Variants in GRID2 observed in about 807,000 individuals in gnomAD.
The protein encoded by GRID2 is glutamate ionotropic receptor delta type subunit 2.
A neutral mutation model predicts 114.8 loss-of-function variants in GRID2; 33 were observed. The observed-to-expected ratio is 0.29, with a 90% CI of 0.22 to 0.38. GRID2 has a LOEUF of 0.38. Among genes scored for constraint, GRID2 ranks in the 10% least tolerant of loss-of-function variants. The pLI, the probability that GRID2 is intolerant of heterozygous loss-of-function variation, is 1.00. For missense variants in GRID2, 1,184 were observed against 1,257.7 expected, an observed-to-expected ratio of 0.94 and a Z score of 0.89; for synonymous variants, 505 against 449.9, an observed-to-expected ratio of 1.12 and a Z score of -1.55.
chr4:93,018,785 TATCCAGC>T (rs1445251345), intron 2 of GRID2, among the ~76,000 whole-genome samples: 6 of 152,168 alleles, frequency 3.9e-5, no homozygotes. Flanking sequence ...TCATCTATTG[TATCCAGC>T]AAAGTGGTAT....
chr4:93,667,153 T>C (rs1235055137), intron 14 of GRID2, among the ~76,000 whole-genome samples: 1 of 152,006 alleles, frequency 6.6e-6, no homozygotes, highest in East Asian at 1.9e-4. Context: ...ATAAGACAAT[T>C]CAGTATATCA....
chr4:93,042,627 A>C (rs28406416), intron 2 of GRID2, among the ~76,000 whole-genome samples: 30,081 of 126,000 alleles, frequency 0.24, 3,605 homozygotes, highest in African/African-American at 0.36. Context: ...CTCTCTCTCT[A>C]TATATATATA....
chr4:93,282,088 CT>C (rs985528861), intron 8 of GRID2, among the ~76,000 whole-genome samples: 4 of 151,916 alleles, frequency 2.6e-5, no homozygotes, highest in African/African-American at 9.7e-5. Context: ...TTTCCTTTTA[CT>C]TTTTTGAACG....
At chr4:93,728,715 G>T (rs549770052) in intron 14 of GRID2, among the ~76,000 whole-genome samples, 1 of 152,264 alleles carries the variant, frequency 6.6e-6, no homozygotes, top group Admixed American at 6.5e-5. Context: ...TCTTCTTGTT[G>T]AATTGATCCC....
chr4:93,260,957 C>A (rs77373243), intron 8 of GRID2, among the ~76,000 whole-genome samples: 2,076 of 151,860 alleles, frequency 0.014, 42 homozygotes, highest in African/African-American at 0.046. Context: ...CAAGGCCTAA[C>A]AAGCACATCA....
intron 2 of GRID2, among the ~76,000 whole-genome samples, chr4:92,611,132 ATGTGTGTGTGTGCATGTG>A (rs1048628786): frequency 3.7e-5 from 5 of 133,658 alleles, no homozygotes; most frequent in African/African-American, 1.4e-4. Context: ...GTGTGTGTGC[ATGTGTGTGTGTGCATGTG>A]TGTGTGTGTG....
At chr4:93,566,777 C>A (rs1466184452) in intron 13 of GRID2, among the ~76,000 whole-genome samples, 10 of 151,134 alleles carry the variant, frequency 6.6e-5, no homozygotes, top group Non-Finnish European at 1.2e-4. Context: ...CAAAAACAAA[C>A]AAACAAATGT....
chr4:93,766,628 A>C (rs948448292), intron 14 of GRID2, among the ~76,000 whole-genome samples: 1 of 152,206 alleles, frequency 6.6e-6, no homozygotes, highest in Non-Finnish European at 1.5e-5. Context: ...CTCATTAAGC[A>C]AATGTTGCTG....
intron 2 of GRID2, among the ~76,000 whole-genome samples, chr4:92,943,595 C>A (rs1245625970): frequency 6.6e-6 from 1 of 152,132 alleles, no homozygotes; most frequent in Non-Finnish European, 1.5e-5. Context: ...AGTCATTCTC[C>A]ATCCAGCTTT....
intron 1 of GRID2, among the ~76,000 whole-genome samples, chr4:92,447,841 C>T (rs1406281095): frequency 6.6e-6 from 1 of 152,180 alleles, no homozygotes; most frequent in Non-Finnish European, 1.5e-5. Flanking sequence ...ACCTAATAAC[C>T]TTCCAAAGGC....
intron 2 of GRID2, among the ~76,000 whole-genome samples, chr4:93,070,699 A>G (rs887687743): frequency 3.0e-4 from 45 of 152,114 alleles, no homozygotes; most frequent in African/African-American, 1.1e-3. Context: ...ATAGCCATTT[A>G]AGTTCATTTT....
At chr4:93,623,845 T>C (rs1002855435) in intron 13 of GRID2, among the ~76,000 whole-genome samples, 1 of 152,158 alleles carries the variant, frequency 6.6e-6, no homozygotes. Flanking sequence ...ATTACTATTC[T>C]TGTCTGTTTT....
At chr4:93,099,108 T>A (rs928171774) in intron 3 of GRID2, among the ~76,000 whole-genome samples, 5 of 151,214 alleles carry the variant, frequency 3.3e-5, no homozygotes, top group Non-Finnish European at 7.4e-5. Flanking sequence ...AACCAAATAA[T>A]TTGGTCAAGT....
chr4:93,193,161 G>T (rs952555171), intron 4 of GRID2, among the ~76,000 whole-genome samples: 8 of 152,152 alleles, frequency 5.3e-5, no homozygotes, highest in African/African-American at 1.9e-4. Context: ...TTTAAAGCCA[G>T]TCAGCCAGCC....
chr4:92,597,520 A>G (rs940040529), intron 2 of GRID2, among the ~76,000 whole-genome samples: 1 of 152,096 alleles, frequency 6.6e-6, no homozygotes, highest in East Asian at 1.9e-4. Context: ...TATTTTAGCA[A>G]TTTGTGCTGC....
intron 1 of GRID2, among the ~76,000 whole-genome samples, chr4:92,366,415 A>G (rs1728868905): frequency 6.6e-6 from 1 of 152,046 alleles, no homozygotes; most frequent in East Asian, 1.9e-4. Flanking sequence ...TAGGCATAAT[A>G]GTATACATTT....
intron 2 of GRID2, among the ~76,000 whole-genome samples, chr4:92,959,110 A>ATT (rs201318761): frequency 7.9e-4 from 30 of 37,936 alleles, no homozygotes; most frequent in African/African-American, 2.6e-3. Flanking sequence ...GATTTTATTG[A>ATT]TTTTTTTTTT....
At chr4:92,349,424 A>G (rs1560580473) in intron 1 of GRID2, among the ~76,000 whole-genome samples, 1 of 151,918 alleles carries the variant, frequency 6.6e-6, no homozygotes, top group South Asian at 2.1e-4. Flanking sequence ...TGTGACAGAT[A>G]TTAACTATAC....
At chr4:93,041,472 A>T (rs1026900050) in intron 2 of GRID2, among the ~76,000 whole-genome samples, 1 of 152,260 alleles carries the variant, frequency 6.6e-6, no homozygotes, top group African/African-American at 2.4e-5. Flanking sequence ...CTGAAAGTTG[A>T]CATTTCAGAT....
Sources: allele counts gnomAD v4.1 joint callset (sites outside exome capture counted in the v4.1 genomes callset), GRCh38; gene constraint gnomAD v4.1.1; transcripts MANE v1.5; gene names NCBI Gene and HGNC (gene_info 2026-07-23, HGNC 2026-07-21).